The following KCNN2 variants were observed in gnomAD, a reference collection of about 807,000 sequenced individuals.
KCNN2 encodes the protein small conductance calcium-activated potassium channel protein 2.
A neutral mutation model predicts 55.5 loss-of-function variants in KCNN2; 24 were observed. That is an observed-to-expected ratio of 0.43 (90% CI 0.31 to 0.61). KCNN2 has a LOEUF of 0.61. Ranked by LOEUF, KCNN2 falls within the 20% of genes least tolerant of loss-of-function variation. The probability of loss-of-function intolerance (pLI) is 0.08; values close to 1 mark genes in which losing one functional copy is unlikely to be tolerated. For synonymous variants in KCNN2, 431 were observed against 336.1 expected (o/e 1.28, Z -3.09); for missense variants, 754 against 853.6 (o/e 0.88, Z 1.45).
chr5:114,432,986 G>A (rs963017579), intron 3 of KCNN2, among the ~76,000 whole-genome samples: 5 of 152,074 alleles, frequency 3.3e-5, no homozygotes, highest in South Asian at 2.1e-4. Context: ...GCTCCTGTGC[G>A]GCCGGAGCCT....
intron 1 of KCNN2, among the ~76,000 whole-genome samples, chr5:114,102,057 A>C (rs567446311): frequency 6.6e-6 from 1 of 152,286 alleles, no homozygotes; most frequent in South Asian, 2.1e-4. Flanking sequence ...CAACAGTGAA[A>C]AAGCATTCTT....
rs145527923 is a variant in KCNN2, at chr5:114,058,279, C to T, written c.-271+1779C>T. ...GTGTATGTGTGTATGTCTGCAATAA[C>T]GTTATATAAATGGGAAAGCAAGAGA... is the stretch of plus-strand genomic sequence containing the variant. On this transcript the variant is annotated intron_variant, in intron 1 of 10. Transcript: ENST00000512097. Among the ~76,000 whole-genome samples the T allele has an allele frequency of 1.4e-4, 21 of 151,932 alleles. No individual in the cohort carries two copies. The East Asian group carries it at 1.5e-3, about 11-fold the overall frequency.
rs182784294 is a variant in KCNN2 at position 114,160,073 on chromosome 5, C to G, written c.-270-61407C>G. ...TTTGAATGTGTTTGCTCTTGCTTCTCTAGTTCTTTTAATTGTGATGTTAGG... is the reference window on the plus strand; with the variant it reads ...TTTGAATGTGTTTGCTCTTGCTTCTGTAGTTCTTTTAATTGTGATGTTAGG... On this transcript the variant is annotated intron_variant, in intron 1 of 10. Coordinates refer to the KCNN2 transcript ENST00000512097. Among the ~76,000 whole-genome samples the G allele has an allele frequency of 5.0e-3, 761 of 152,198 alleles. 9 individuals are homozygous for G. Among genetic ancestry groups the G allele is most frequent in the African/African-American group, 0.018 (728 of 41,524 alleles).
intron 3 of KCNN2, among the ~76,000 whole-genome samples, chr5:114,420,463 T>C (rs1759440426): frequency 6.6e-6 from 1 of 152,222 alleles, no homozygotes; most frequent in African/African-American, 2.4e-5. Flanking sequence ...CTACCAAGTA[T>C]AGCCTATGTT....
intron 5 of KCNN2, among the ~76,000 whole-genome samples, chr5:114,479,237 AAAG>A (rs1247277460): frequency 6.6e-6 from 1 of 151,396 alleles, no homozygotes; most frequent in Admixed American, 6.6e-5. Flanking sequence ...AAAAAAAAAA[AAAG>A]AAAAACAAAA....
At chr5:114,328,527 C>T (rs1289698026) in intron 2 of KCNN2, among the ~76,000 whole-genome samples, 1 of 152,162 alleles carries the variant, frequency 6.6e-6, no homozygotes, top group Non-Finnish European at 1.5e-5. Flanking sequence ...TGTTACAGTA[C>T]ACATGTGAGT....
intron 1 of KCNN2, among the ~76,000 whole-genome samples, chr5:114,074,143 A>G (rs1238880754): frequency 6.6e-6 from 1 of 152,158 alleles, no homozygotes; most frequent in East Asian, 1.9e-4. Context: ...CTTTAAACTG[A>G]TTATTCAGAC....
At chr5:114,130,933 AT>A (rs1561488099) in intron 1 of KCNN2, among the ~76,000 whole-genome samples, 1 of 152,190 alleles carries the variant, frequency 6.6e-6, no homozygotes, top group African/African-American at 2.4e-5. Flanking sequence ...AGCTCAGAGA[AT>A]TTGGCCTGAG....
intron 3 of KCNN2, among the ~76,000 whole-genome samples, chr5:114,437,954 C>A (rs141962315): frequency 1.3e-4 from 20 of 152,162 alleles, no homozygotes; most frequent in African/African-American, 4.8e-4. Flanking sequence ...AATTATCATC[C>A]AGTTCTAGGA....
chr5:114,212,914 G>T (rs762963750), intron 1 of KCNN2, among the ~76,000 whole-genome samples: 1 of 151,928 alleles, frequency 6.6e-6, no homozygotes, highest in Non-Finnish European at 1.5e-5. Flanking sequence ...AGTAGCATGC[G>T]TAAAGCTATA....
intron 2 of KCNN2, among the ~76,000 whole-genome samples, chr5:114,329,833 C>G (rs1413278279): frequency 6.6e-6 from 1 of 152,166 alleles, no homozygotes; most frequent in African/African-American, 2.4e-5. Context: ...TTCCTCAGCC[C>G]CTACTTACTA....
chr5:114,459,375 T>C (rs1362092490), intron 3 of KCNN2, among the ~76,000 whole-genome samples: 1 of 152,200 alleles, frequency 6.6e-6, no homozygotes, highest in Non-Finnish European at 1.5e-5. Flanking sequence ...TAGTTCTCCT[T>C]GTAGAGAAGG....
At chr5:114,060,319 T>G (rs1191330459) in intron 1 of KCNN2, among the ~76,000 whole-genome samples, 1 of 152,246 alleles carries the variant, frequency 6.6e-6, no homozygotes, top group Admixed American at 6.5e-5. Context: ...CTCCACCCTC[T>G]CGTTGCAGTT....
chr5:114,466,474 AAT>A (rs10577661), intron 4 of KCNN2, among the ~76,000 whole-genome samples: 110,556 of 149,614 alleles, frequency 0.74, 42,416 homozygotes, highest in East Asian at 0.92. Context: ...TCTTCCTAGA[AAT>A]ATATATATAT....
intron 1 of KCNN2, among the ~76,000 whole-genome samples, chr5:114,168,154 C>A (rs1200227079): frequency 8.0e-6 from 1 of 125,496 alleles, no homozygotes; most frequent in African/African-American, 2.9e-5. Context: ...GATATATAAT[C>A]ATATATATGT....
chr5:114,440,539 A>G (rs1760166853), intron 3 of KCNN2, among the ~76,000 whole-genome samples: 1 of 152,152 alleles, frequency 6.6e-6, no homozygotes, highest in East Asian at 1.9e-4. Context: ...AACAGGGTCT[A>G]CAAATAACAA....
intron 2 of KCNN2, among the ~76,000 whole-genome samples, chr5:114,369,069 C>T (rs1757688231): frequency 6.6e-6 from 1 of 152,110 alleles, no homozygotes; most frequent in Non-Finnish European, 1.5e-5. Flanking sequence ...AGCAGTGAGA[C>T]TGCTGAATCA....
At chr5:114,249,801 A>AT (rs1754823217) in intron 2 of KCNN2, among the ~76,000 whole-genome samples, 1 of 152,076 alleles carries the variant, frequency 6.6e-6, no homozygotes, top group Non-Finnish European at 1.5e-5. Context: ...AACAAGAGGT[A>AT]TGCAAGGCTG....
chr5:114,140,688 A>G (rs537535790), intron 1 of KCNN2, among the ~76,000 whole-genome samples: 3 of 151,286 alleles, frequency 2.0e-5, no homozygotes, highest in Non-Finnish European at 4.4e-5. Flanking sequence ...ATCAATGGCT[A>G]TCAAAATATA....
Sources: allele counts gnomAD v4.1 joint callset (sites outside exome capture counted in the v4.1 genomes callset), GRCh38; gene constraint gnomAD v4.1.1; transcripts MANE v1.5; gene names NCBI Gene and HGNC (gene_info 2026-07-23, HGNC 2026-07-21).